The following AP2B1 variants were observed in gnomAD, a reference collection of about 807,000 sequenced individuals.
AP2B1 encodes AP-2 complex subunit beta.
A neutral mutation model predicts 102.0 loss-of-function variants in AP2B1; 23 were observed. The ratio of observed to expected loss-of-function variants is 0.23; its 90% CI spans 0.16 to 0.32. The LOEUF (loss-of-function observed/expected upper bound fraction) is 0.32. Ranked by LOEUF, AP2B1 falls within the 10% of genes least tolerant of loss-of-function variation. The pLI is 1.00. For missense variants in AP2B1, 541 were observed against 1,157.4 expected, an observed-to-expected ratio of 0.47 and a Z score of 7.73; for synonymous variants, 381 against 421.2, an observed-to-expected ratio of 0.90 and a Z score of 1.17.
chr17:35,691,051 A>AATATT (rs2076030925), intron 18 of AP2B1, among the ~76,000 whole-genome samples: 1 of 152,206 alleles, frequency 6.6e-6, no homozygotes, highest in East Asian at 1.9e-4. Flanking sequence ...TAAGAGGCTG[A>AATATT]ATATTAATTA....
chr17:35,621,086 C>G lies in AP2B1; in HGVS notation c.526-3311C>G, dbSNP rs2074163078. 2.0e-5 allele frequency among the ~76,000 whole-genome samples: 3 copies of G among 152,208 alleles called. No individual in the cohort carries two copies. In the South Asian group the frequency reaches 6.2e-4, roughly 32 times the overall value. ...GTGATATTATTGTCTAGAGAAGACT[C>G]TGGAGGAAGAGGAAGTAAATCTTGA... On this transcript the variant is annotated intron_variant, in intron 5 of 21. Transcript: ENST00000610402.
chr17:35,641,079 A>G (rs761864564), intron 11 of AP2B1, among the ~76,000 whole-genome samples: 3 of 152,248 alleles, frequency 2.0e-5, no homozygotes, highest in Non-Finnish European at 4.4e-5. Flanking sequence ...TTCAAGGAGT[A>G]TGTACAAGTC....
At chr17:35,718,294 TGTA>T (rs2085240280) in intron 21 of AP2B1, among the ~76,000 whole-genome samples, 3 of 150,870 alleles carry the variant, frequency 2.0e-5, no homozygotes, top group South Asian at 2.1e-4. Flanking sequence ...TTCCCATCCT[TGTA>T]GTAAGTTGGA....
At chr17:35,615,640 T>G (rs1268617153) in intron 5 of AP2B1, among the ~76,000 whole-genome samples, 1 of 152,220 alleles carries the variant, frequency 6.6e-6, no homozygotes, top group Non-Finnish European at 1.5e-5. Context: ...ATAGGATTGT[T>G]GTTATCCTTA....
intron 19 of AP2B1, among the ~76,000 whole-genome samples, chr17:35,709,514 C>T (rs1298862230): frequency 5.9e-5 from 9 of 152,098 alleles, no homozygotes; most frequent in African/African-American, 2.2e-4. Context: ...AATCACAGTG[C>T]CCAATATCTG....
chr17:35,593,224 G>T (rs2073157634), intron 1 of AP2B1, among the ~76,000 whole-genome samples: 1 of 152,054 alleles, frequency 6.6e-6, no homozygotes, highest in South Asian at 2.1e-4. Flanking sequence ...ATAAGATCTA[G>T]TATTTGATAG....
chr17:35,613,302 A>G (rs765274049), intron 5 of AP2B1, among the ~76,000 whole-genome samples: 6 of 151,148 alleles, frequency 4.0e-5, no homozygotes, highest in Non-Finnish European at 5.9e-5. Context: ...TGAGAGATAA[A>G]TGTTGGTCGA....
At position 35,674,333 on chromosome 17, in the gene AP2B1, G is replaced by T; in HGVS notation, c.2324+12G>T. On this transcript the variant is annotated intron_variant, in intron 17 of 21. Coordinates refer to ENST00000610402, the MANE Select transcript of AP2B1 (RefSeq NM_001030006.2). Reference sequence around the variant, plus strand: ...TTTAACAAAAATAGGTAAGCAATCTGGGTCCCTAGCTTGATGTTGAGACAA... The same window carrying T: ...TTTAACAAAAATAGGTAAGCAATCTTGGTCCCTAGCTTGATGTTGAGACAA... 6.2e-7 allele frequency: 1 copy of T among 1,613,712 alleles called. No homozygotes were observed. The highest frequency in any genetic ancestry group is 1.1e-5 in the South Asian group (1 of 91,048).
At chr17:35,673,156 C>T (rs929484384) in intron 16 of AP2B1, among the ~76,000 whole-genome samples, 3 of 152,190 alleles carry the variant, frequency 2.0e-5, no homozygotes, top group Non-Finnish European at 2.9e-5. Context: ...TCACCACCCA[C>T]AGATCCTTTG....
intron 14 of AP2B1, chr17:35,659,981 G>A: frequency 1.0e-6 from 1 of 985,370 alleles, no homozygotes; most frequent in Non-Finnish European, 1.2e-6. Context: ...TTCTAAGGCG[G>A]CAGTGGACTT....
chr17:35,601,393 A>C (rs1413160403), intron 3 of AP2B1, among the ~76,000 whole-genome samples: 3 of 152,080 alleles, frequency 2.0e-5, no homozygotes. Flanking sequence ...GCAGTGGCGC[A>C]ATCTCGGCCC....
chr17:35,589,627 A>T (rs1033690437), intron 1 of AP2B1, among the ~76,000 whole-genome samples: 2 of 152,228 alleles, frequency 1.3e-5, no homozygotes, highest in Non-Finnish European at 2.9e-5. Flanking sequence ...ATGCAGTGAC[A>T]TCACACTCTG....
intron 18 of AP2B1, among the ~76,000 whole-genome samples, chr17:35,693,860 C>G (rs754355475): frequency 6.6e-6 from 1 of 152,206 alleles, no homozygotes; most frequent in Non-Finnish European, 1.5e-5. Context: ...CATCTGTGTT[C>G]AGTGGCCTGC....
intron 10 of AP2B1, among the ~76,000 whole-genome samples, chr17:35,639,089 G>GCACCTTTTCT: frequency 6.6e-6 from 1 of 152,168 alleles, no homozygotes; most frequent in East Asian, 1.9e-4. Context: ...CATCACTTTG[G>GCACCTTTTCT]GAGACCAAGG....
Position 35,657,594 on chromosome 17 carries a change from T to A in AP2B1, c.1797-5T>A, listed in dbSNP as rs2142878304. 1 of 1,611,570 alleles carries A rather than the reference T, an allele frequency of 6.2e-7. No homozygotes were observed. Among genetic ancestry groups the A allele is most frequent in the East Asian group, 2.2e-5 (1 of 44,854 alleles). ...TTTCTCCATTTTATGTGTATGTGAC[T>A]TTAGCACTGATGCAGGTGACAGCCC... On this transcript the variant is annotated splice_region_variant and splice_polypyrimidine_tract_variant and intron_variant, in intron 13 of 21. Coordinates refer to ENST00000610402, the MANE Select transcript of AP2B1 (RefSeq NM_001030006.2).
intron 16 of AP2B1, among the ~76,000 whole-genome samples, chr17:35,673,162 C>A (rs1342748879): frequency 6.6e-6 from 1 of 152,194 alleles, no homozygotes; most frequent in Non-Finnish European, 1.5e-5. Flanking sequence ...CCCACAGATC[C>A]TTTGGTATTC....
At position 35,616,142 on chromosome 17, in the gene AP2B1, C is replaced by CTTTTTTTTTTTTTTT. The variant is rs71152739; in HGVS notation, c.525+7780_525+7794dup. 7.0e-5 allele frequency among the ~76,000 whole-genome samples: 4 copies of CTTTTTTTTTTTTTTT among 57,436 alleles called. 2 individuals carry two copies. Among genetic ancestry groups the CTTTTTTTTTTTTTTT allele is most frequent in the Non-Finnish European group, 1.2e-4 (4 of 32,994 alleles). The allele number at this position is 57,436 out of a possible 152,430, so 37.7% of individuals were successfully genotyped here. A position where few individuals can be genotyped will look rare whatever the true frequency, so the allele number is the denominator to read the frequency against. ...TGAACTTAGGTTTTAAAAAATATCT[C>CTTTTTTTTTTTTTTT]TTTTTTTTTTTTTTTTTTTTTTTTT... On this transcript the variant is annotated intron_variant, in intron 5 of 21. Coordinates refer to ENST00000610402, the MANE Select transcript of AP2B1 (RefSeq NM_001030006.2).
intron 19 of AP2B1, among the ~76,000 whole-genome samples, chr17:35,709,671 A>G (rs226439): frequency 0.36 from 54,311 of 152,014 alleles, 9,905 homozygotes; most frequent in East Asian, 0.45. Context: ...TTGCAGTGTA[A>G]ATAATTTTTA....
chr17:35,710,772 T>G (rs782063292), intron 20 of AP2B1, among the ~76,000 whole-genome samples: 4 of 152,192 alleles, frequency 2.6e-5, no homozygotes, highest in Non-Finnish European at 4.4e-5. Flanking sequence ...GTATCATCAT[T>G]AGTGAAAGCC....
Sources: allele counts gnomAD v4.1 joint callset (sites outside exome capture counted in the v4.1 genomes callset), GRCh38; gene constraint gnomAD v4.1.1; transcripts MANE v1.5; gene names NCBI Gene and HGNC (gene_info 2026-07-23, HGNC 2026-07-21).